DGCR2: variants seen among roughly 807,000 people sequenced by gnomAD.
DGCR2 encodes DiGeorge syndrome critical region gene 2.
Under a neutral mutation model 51.6 loss-of-function variants are expected in DGCR2, and 24 were observed. The ratio of observed to expected loss-of-function variants is 0.47; its 90% CI spans 0.34 to 0.65. DGCR2 has a LOEUF of 0.65. Ranked by LOEUF, DGCR2 falls within the 30% of genes least tolerant of loss-of-function variation. The pLI, the probability that DGCR2 is intolerant of heterozygous loss-of-function variation, is 0.01. For missense variants in DGCR2, 765 were observed against 772.1 expected (o/e 0.99, Z 0.11); for synonymous variants, 340 against 315.4 (o/e 1.08, Z -0.82).
chr22:19,063,951 T>C (rs976269591), intron 4 of DGCR2, among the ~76,000 whole-genome samples: 1 of 152,182 alleles, frequency 6.6e-6, no homozygotes, highest in African/African-American at 2.4e-5. Context: ...AAATATCCAC[T>C]ACCATGGGGG....
intron 1 of DGCR2, among the ~76,000 whole-genome samples, chr22:19,108,934 G>A (rs973770040): frequency 6.6e-6 from 1 of 152,080 alleles, no homozygotes; most frequent in African/African-American, 2.4e-5. Context: ...GGGAGGCTGA[G>A]GCAGGAGGAT....
chr22:19,055,079 G>A (rs955061319), intron 6 of DGCR2, among the ~76,000 whole-genome samples: 15 of 152,140 alleles, frequency 9.9e-5, no homozygotes, highest in Non-Finnish European at 2.1e-4. Context: ...TCACGTCACT[G>A]CACTCCAGCC....
intron 2 of DGCR2, among the ~76,000 whole-genome samples, chr22:19,084,785 AGCCGCCCC>A (rs1485833035): frequency 7.7e-6 from 1 of 129,634 alleles, no homozygotes; most frequent in East Asian, 2.4e-4. Context: ...CCGCCCGGCC[AGCCGCCCC>A]GTCCGGGAAG....
chr22:19,041,804 T>A lies in DGCR2; in HGVS notation c.1159+3A>T, dbSNP rs1329740874. On this transcript the variant is annotated splice_donor_region_variant and intron_variant, in intron 8 of 9. Coordinates refer to ENST00000263196, the MANE Select transcript of DGCR2 (RefSeq NM_005137.3). ...AGGGTTGTGGCCCTCAGAGGGCACTTACAGTTTGCTCCAATCAGGGACTCG... is the reference window on the plus strand; with the variant it reads ...AGGGTTGTGGCCCTCAGAGGGCACTAACAGTTTGCTCCAATCAGGGACTCG... The A allele has an allele frequency of 6.2e-7, 1 of 1,611,342 alleles. No individual in the cohort carries two copies.
intron 8 of DGCR2, 103 bp from the exon 9 acceptor site, chr22:19,041,397 G>A (rs2082430420): frequency 8.6e-7 from 1 of 1,161,374 alleles, no homozygotes; most frequent in Non-Finnish European, 1.3e-6. Flanking sequence ...CCGTCCCTGA[G>A]TGCACACACC....
At chr22:19,091,174 C>T (rs1387138582) in intron 1 of DGCR2, among the ~76,000 whole-genome samples, 6 of 152,148 alleles carry the variant, frequency 3.9e-5, no homozygotes, top group Non-Finnish European at 8.8e-5. Context: ...GCCTGAGCAA[C>T]ATGGCAAAAT....
intron 2 of DGCR2, among the ~76,000 whole-genome samples, chr22:19,083,767 G>A (rs947217674): frequency 4.9e-4 from 66 of 134,934 alleles, no homozygotes; most frequent in African/African-American, 1.6e-3. Context: ...CTCTGATGCC[G>A]AGCTGAAGCT....
intron 7 of DGCR2, among the ~76,000 whole-genome samples, chr22:19,044,519 G>A (rs2082467284): frequency 6.6e-6 from 1 of 152,198 alleles, no homozygotes; most frequent in African/African-American, 2.4e-5. Flanking sequence ...TCTGTGCCTG[G>A]CAGCTGCACC....
chr22:19,062,485 A>T (rs2082675334), intron 5 of DGCR2, among the ~76,000 whole-genome samples: 1 of 152,170 alleles, frequency 6.6e-6, no homozygotes, highest in South Asian at 2.1e-4. Context: ...CAGGACTGGG[A>T]TGTGTTTACG....
chr22:19,087,795 G>A (rs2083034411), intron 2 of DGCR2, among the ~76,000 whole-genome samples: 3 of 148,230 alleles, frequency 2.0e-5, no homozygotes, highest in Non-Finnish European at 4.4e-5. Flanking sequence ...AGCAATTCTT[G>A]TGCCTCAGCC....
chr22:19,094,812 C>A (rs1370331719), intron 1 of DGCR2, among the ~76,000 whole-genome samples: 1 of 152,200 alleles, frequency 6.6e-6, no homozygotes, highest in Non-Finnish European at 1.5e-5. Context: ...AAGGAATAAG[C>A]TATTAACACA....
At chr22:19,116,392 T>C (rs910984358) in intron 1 of DGCR2, among the ~76,000 whole-genome samples, 1 of 152,252 alleles carries the variant, frequency 6.6e-6, no homozygotes, top group Non-Finnish European at 1.5e-5. Flanking sequence ...TGGACTGGCT[T>C]TGACTAAACT....
At chr22:19,063,046 C>A (rs2082702314) in intron 5 of DGCR2, among the ~76,000 whole-genome samples, 156 bp downstream of exon 5, 1 of 151,984 alleles carries the variant, frequency 6.6e-6, no homozygotes, top group South Asian at 2.1e-4. Context: ...CTGCACTGGC[C>A]CCATGACCGC....
chr22:19,110,625 T>C (rs908805389), intron 1 of DGCR2, among the ~76,000 whole-genome samples: 2 of 127,796 alleles, frequency 1.6e-5, no homozygotes, highest in Non-Finnish European at 3.3e-5. Flanking sequence ...TAAAGTAAAA[T>C]AAAATTAAAT....
chr22:19,113,394 AAT>A (rs1047254496), intron 1 of DGCR2, among the ~76,000 whole-genome samples: 8 of 151,622 alleles, frequency 5.3e-5, no homozygotes, highest in African/African-American at 1.9e-4. Context: ...AAAAAAAAAA[AAT>A]AACAGTATGA....
In DGCR2 at chr22:19,096,469, CAAGAA is replaced by C. The variant is rs201201481; in HGVS notation, c.80-6984_80-6980del. On this transcript the variant is annotated intron_variant, in intron 1 of 9. Coordinates refer to ENST00000263196, the MANE Select transcript of DGCR2 (RefSeq NM_005137.3). The stretch of plus-strand genomic sequence containing the variant: ...GAGTAGAATCAGAATGTTCCTAACA[CAAGAA>C]AAGTTACAAATGCTTGAAGTGACAG... Among the ~76,000 whole-genome samples, 850 of 152,204 alleles carry C rather than the reference CAAGAA, an allele frequency of 5.6e-3. 6 individuals are homozygous for C. Among genetic ancestry groups the C allele is most frequent in the African/African-American group, 0.019 (809 of 41,526 alleles).
chr22:19,057,046 C>T lies in DGCR2; in HGVS notation c.742G>A (p.Asp248Asn), dbSNP rs1456911584. The T allele has an allele frequency of 1.3e-5, 20 of 1,597,662 alleles. No individual in the cohort carries two copies. The highest frequency in any genetic ancestry group is 2.3e-5 in the East Asian group (1 of 44,432). ...CTCTCGGCGTGCCAGCTGTGGAGGT[C>T]GTGGTGCCGCAGGGTGGGGAAATGG... ...CFHFPTLRHH[D>N]LHSWHAESCY... Residue 248 changes from aspartate to asparagine, a missense_variant, in exon 6 of 10, where the codon GAC (aspartate) becomes AAC (asparagine). Transcript: ENST00000263196. This position sits in a 1 kb window ranked among gnomAD's most constrained non-coding sequence, Gnocchi z 5.1.
chr22:19,044,658 T>TC (rs2146306579), intron 7 of DGCR2, among the ~76,000 whole-genome samples: 1 of 152,332 alleles, frequency 6.6e-6, no homozygotes, highest in South Asian at 2.1e-4. Context: ...CTTGATGCTA[T>TC]CAGTTTCATT....
At chr22:19,056,752 TTC>T (rs2082607826) in intron 6 of DGCR2, among the ~76,000 whole-genome samples, 1 of 152,114 alleles carries the variant, frequency 6.6e-6, no homozygotes, top group Non-Finnish European at 1.5e-5. Flanking sequence ...TGATTGTCTC[TTC>T]CGTGGGAAAA....
Sources: gnomAD v4.1 joint callset for allele counts (sites outside exome capture counted in the v4.1 genomes callset) on GRCh38, gnomAD v4.1.1 for gene constraint, Gnocchi (gnomAD v3.1) non-coding constraint, MANE v1.5 for transcripts, NCBI Gene and HGNC (gene_info 2026-07-23, HGNC 2026-07-21) for gene names.